Variants in C13orf46 observed in about 807,000 individuals in gnomAD.
The protein encoded by C13orf46 is chromosome 13 open reading frame 46.
At chr13:113,947,862 A>G in the C13orf46 span, among the ~76,000 whole-genome samples, 32 of 152,310 alleles carry the variant, frequency 2.1e-4, no homozygotes, top group Non-Finnish European at 3.8e-4. Context: ...CAGCCAGGCC[A>G]TTGGGAGGAT....
chr13:113,931,535 GCACCTGCGGGTGA>G, the C13orf46 span, among the ~76,000 whole-genome samples: 1 of 152,188 alleles, frequency 6.6e-6, no homozygotes, highest in African/African-American at 2.4e-5. Context: ...CCCTCAGACG[GCACCTGCGGGTGA>G]CAGGGTGTGA....
chr13:113,932,168 C>T, the C13orf46 span, among the ~76,000 whole-genome samples: 5 of 152,286 alleles, frequency 3.3e-5, no homozygotes, highest in East Asian at 1.9e-4. Context: ...CCGTGGAGGA[C>T]GTTCAGGTTG....
chr13:113,938,224 C>T, the C13orf46 span, among the ~76,000 whole-genome samples: 1 of 152,202 alleles, frequency 6.6e-6, no homozygotes, highest in Non-Finnish European at 1.5e-5. Flanking sequence ...AAGTGCTTTT[C>T]TTTTCTCAAT....
chr13:113,930,861 G>A, the C13orf46 span, among the ~76,000 whole-genome samples: 3 of 152,148 alleles, frequency 2.0e-5, no homozygotes, highest in African/African-American at 7.2e-5. Flanking sequence ...TGGTCCTGGC[G>A]GCCGCTCCTT....
At chr13:113,952,702 C>T (rs2052494150), downstream of C13orf46, among the ~76,000 whole-genome samples, 1 of 152,222 alleles carries the variant, frequency 6.6e-6, no homozygotes, top group South Asian at 2.1e-4. Context: ...TAGGGGGAGC[C>T]TGGGCTTCCA....
At chr13:113,965,752 ATGG>A (rs1465417063) in intron 5 of C13orf46, among the ~76,000 whole-genome samples, 1,590 of 47,680 alleles carry the variant, frequency 0.033, 57 homozygotes, top group African/African-American at 0.16. Flanking sequence ...GATGGTGATG[ATGG>A]TGATGGTGAT....
chr13:113,969,369 G>T (rs2052680479), intron 2 of C13orf46, among the ~76,000 whole-genome samples: 1 of 152,252 alleles, frequency 6.6e-6, no homozygotes, highest in Non-Finnish European at 1.5e-5. Context: ...AAGGTGTGTG[G>T]TCTTCCCAGC....
At chr13:113,951,446 C>T (rs1055601344), downstream of C13orf46, among the ~76,000 whole-genome samples, 4 of 152,180 alleles carry the variant, frequency 2.6e-5, no homozygotes, top group African/African-American at 7.2e-5. Flanking sequence ...CGGCTCTGCC[C>T]GGCCACACAG....
downstream of C13orf46, among the ~76,000 whole-genome samples, chr13:113,952,715 C>A (rs1447038121): frequency 6.6e-6 from 1 of 152,204 alleles, no homozygotes; most frequent in African/African-American, 2.4e-5. Context: ...GGCTTCCACC[C>A]CTCCCTGGAT....
At chr13:113,943,205 G>A in the C13orf46 span, among the ~76,000 whole-genome samples, 3 of 152,152 alleles carry the variant, frequency 2.0e-5, no homozygotes, top group African/African-American at 7.2e-5. Flanking sequence ...AGTGACCGTG[G>A]GCCATGACCC....
rs1411234615 is a variant in C13orf46 at position 113,955,568 on chromosome 13, G to A, written c.*1205C>T. On this transcript the variant is annotated 3_prime_UTR_variant, in exon 7 of 7. Transcript: ENST00000636427. ...ATCTCGTGGAGAGGAGGAGCATCTC[G>A]TGGAGAGGAGGAGCATCTCGTGGAG... 14 of 158,254 alleles carry A rather than the reference G, an allele frequency of 8.8e-5. No individual in the cohort carries two copies. The highest frequency in any genetic ancestry group is 3.9e-4 in the East Asian group (2 of 5,110). The allele number at this position is 158,254 out of a possible 1,614,324, so 9.8% of individuals were successfully genotyped here.
intron 6 of C13orf46, among the ~76,000 whole-genome samples, chr13:113,960,626 T>C (rs1010424273): frequency 4.6e-5 from 7 of 152,248 alleles, no homozygotes; most frequent in African/African-American, 1.7e-4. Flanking sequence ...CTTCAATTTA[T>C]ACACTTGGCT....
At chr13:113,966,625 G>C (rs1337372346) in intron 5 of C13orf46, among the ~76,000 whole-genome samples, 5 of 151,520 alleles carry the variant, frequency 3.3e-5, no homozygotes, top group Non-Finnish European at 4.4e-5. Context: ...GGTCATGATA[G>C]TGATGATGAT....
intron 6 of C13orf46, among the ~76,000 whole-genome samples, chr13:113,964,024 G>T (rs2052614055): frequency 6.6e-6 from 1 of 152,062 alleles, no homozygotes; most frequent in Non-Finnish European, 1.5e-5. Context: ...CTAATTTTTT[G>T]TATTTTGGTA....
chr13:113,943,601 C>T, the C13orf46 span, among the ~76,000 whole-genome samples: 30 of 152,256 alleles, frequency 2.0e-4, no homozygotes, highest in East Asian at 4.3e-3. Flanking sequence ...AAAGGTAGAA[C>T]GAGGCATGTC....
At chr13:113,938,031 G>A in the C13orf46 span, among the ~76,000 whole-genome samples, 2,581 of 152,256 alleles carry the variant, frequency 0.017, 38 homozygotes, top group Non-Finnish European at 0.027. Flanking sequence ...AGAATGGGAG[G>A]CAGGTTTGCC....
chr13:113,930,134 G>T, the C13orf46 span, among the ~76,000 whole-genome samples: 4 of 152,208 alleles, frequency 2.6e-5, no homozygotes, highest in Non-Finnish European at 5.9e-5. Flanking sequence ...GGGTCTGCAC[G>T]AGGCTCGGAG....
the C13orf46 span, among the ~76,000 whole-genome samples, chr13:113,937,047 GTTA>G: frequency 2.7e-3 from 404 of 152,276 alleles, 4 homozygotes; most frequent in African/African-American, 9.4e-3. Context: ...TTGCGGAAGG[GTTA>G]TTATCATTTA....
chr13:113,927,469 C>T, the C13orf46 span: 2 of 398,632 alleles, frequency 5.0e-6, no homozygotes, highest in Non-Finnish European at 8.8e-6. Context: ...CTGCAAAGTA[C>T]AAGTCCTGGG....
Sources: gnomAD v4.1 joint callset for allele counts (sites outside exome capture counted in the v4.1 genomes callset) on GRCh38, gnomAD v4.1.1 for gene constraint, MANE v1.5 for transcripts, NCBI Gene and HGNC (gene_info 2026-07-23, HGNC 2026-07-21) for gene names.